Variants in ETV5 observed in about 807,000 individuals in gnomAD.
ETV5 encodes ETS translocation variant 5.
ETV5 carries 10 observed loss-of-function variants against 70.0 expected under a neutral mutation model. The observed-to-expected ratio is 0.14, with a 90% CI of 0.09 to 0.24. ETV5 has a LOEUF of 0.24. ETV5 is among the 10% of genes least tolerant of loss of function. The pLI is 1.00. For synonymous variants in ETV5, 216 were observed against 242.2 expected, an observed-to-expected ratio of 0.89 and a Z score of 1.01; for missense variants, 453 against 651.2, an observed-to-expected ratio of 0.70 and a Z score of 3.31.
At chr3:186,068,277 G>A (rs1485247964) in intron 7 of ETV5, among the ~76,000 whole-genome samples, 1 of 152,152 alleles carries the variant, frequency 6.6e-6, no homozygotes, top group African/African-American at 2.4e-5. Flanking sequence ...GTCTTGGAAA[G>A]GTATTTTTGA....
At chr3:186,099,000 C>T (rs918811495) in intron 5 of ETV5, among the ~76,000 whole-genome samples, 2 of 152,164 alleles carry the variant, frequency 1.3e-5, no homozygotes, top group African/African-American at 2.4e-5. Context: ...TAGATCTTAT[C>T]CTGCTCCCTG....
intron 5 of ETV5, among the ~76,000 whole-genome samples, chr3:186,093,715 TC>T (rs1229685177): frequency 3.3e-5 from 5 of 151,978 alleles, no homozygotes; most frequent in Non-Finnish European, 7.4e-5. Context: ...CGGGGGGAGC[TC>T]AAGACTTGCC....
rs752968678 is a variant in ETV5 at position 186,048,843 on chromosome 3, G to A, written c.1329C>T (p.Tyr443=). The A allele has an allele frequency of 9.9e-6, 16 of 1,613,832 alleles. No individual in the cohort carries two copies. The highest frequency in any genetic ancestry group is 4.4e-5 in the South Asian group (4 of 91,052). Residue 443 remains tyrosine (Y), a synonymous_variant, in exon 13 of 13, where the codon TAC becomes TAT. Coordinates refer to ENST00000306376, the MANE Select transcript of ETV5 (RefSeq NM_004454.3). ...GIMQKVAGER[Y]VYKFVCDPDA... ...CTGGGTCACAGACAAATTTGTAGAC[G>A]TATCGCTCTCCAGCCACCTGCGGGA... is the stretch of plus-strand genomic sequence containing the variant.
chr3:186,108,679 G>A (rs1364325003), intron 1 of ETV5: 28 of 1,160,170 alleles, frequency 2.4e-5, no homozygotes, highest in Non-Finnish European at 2.8e-5. Context: ...GCGCTCCGGG[G>A]CGCCTCCCCC....
chr3:186,080,150 A>ATT, intron 6 of ETV5, 46 bp from the exon 7 acceptor site: 1 of 1,425,588 alleles, frequency 7.0e-7, no homozygotes, highest in Non-Finnish European at 9.2e-7. Flanking sequence ...AAATGAAGCC[A>ATT]TTAGCATGGT....
At chr3:186,061,145 C>T (rs1330105370) in intron 9 of ETV5, among the ~76,000 whole-genome samples, 1 of 152,194 alleles carries the variant, frequency 6.6e-6, no homozygotes, top group Non-Finnish European at 1.5e-5. Context: ...AAAAGCCACC[C>T]AATGCTTCAT....
At chr3:186,058,659 T>C (rs1443736059) in intron 9 of ETV5, among the ~76,000 whole-genome samples, 1 of 152,056 alleles carries the variant, frequency 6.6e-6, no homozygotes, top group Non-Finnish European at 1.5e-5. Flanking sequence ...GGTTTAAGGG[T>C]TCTGAATGAG....
At chr3:186,062,812 A>G (rs982547877) in intron 9 of ETV5, among the ~76,000 whole-genome samples, 3 of 152,226 alleles carry the variant, frequency 2.0e-5, no homozygotes, top group African/African-American at 7.2e-5. Context: ...GTATAATCCT[A>G]TATTTACATA....
intron 5 of ETV5, among the ~76,000 whole-genome samples, chr3:186,089,329 G>A (rs1324835891): frequency 1.3e-5 from 2 of 152,218 alleles, no homozygotes; most frequent in Non-Finnish European, 2.9e-5. Context: ...TGTAGGTATG[G>A]AAGAATGTGC....
intron 6 of ETV5, 62 bp from the exon 7 acceptor site, chr3:186,080,166 G>T: frequency 7.3e-7 from 1 of 1,369,314 alleles, no homozygotes; most frequent in Non-Finnish European, 9.6e-7. Flanking sequence ...ATGGTTACCA[G>T]GTCCAGCAGA....
Position 186,048,473 on chromosome 3 carries a change from T to C in ETV5, c.*166A>G, listed in dbSNP as rs113758949. On this transcript the variant is annotated 3_prime_UTR_variant, in exon 13 of 13. Coordinates refer to ENST00000306376, the MANE Select transcript of ETV5 (RefSeq NM_004454.3). ...CTCCCTGTTCCCACTCCCCAGCCAA[T>C]GTATCTGTCTTTAAGGGTGCCAATC... is the stretch of plus-strand genomic sequence containing the variant. 52 of 633,194 alleles carry C rather than the reference T, an allele frequency of 8.2e-5. No individual in the cohort carries two copies. Among genetic ancestry groups the C allele is most frequent in the African/African-American group, 6.8e-4 (37 of 54,504 alleles). 39.2% of individuals were successfully genotyped at this position (633,194 alleles called of 1,614,324 possible).
Position 186,081,146 on chromosome 3 carries a change from T to A in ETV5, c.262A>T (p.Ile88Phe). 1 of 1,613,450 alleles carries A rather than the reference T, an allele frequency of 6.2e-7. No individual in the cohort carries two copies. The highest frequency in any genetic ancestry group is 8.5e-7 in the Non-Finnish European group (1 of 1,179,656). ...LVLHAPPPTK[I>F]KRELHSPSSE... ...GAGGGGCTGTGCAGCTCCCGTTTGA[T>A]CTTGGTTGGAGGTGGGGCATGAAGC... Residue 88 changes from isoleucine to phenylalanine, a missense_variant, in exon 6 of 13, where the codon ATC (isoleucine) becomes TTC (phenylalanine). Transcript: ENST00000306376.
intron 7 of ETV5, chr3:186,078,082 G>A (rs1014696883): frequency 1.9e-6 from 2 of 1,052,462 alleles, no homozygotes; most frequent in Non-Finnish European, 2.3e-6. Context: ...TCCTTCTCAG[G>A]GGGCTGGGTG....
intron 5 of ETV5, among the ~76,000 whole-genome samples, chr3:186,098,389 C>T (rs1714364716): frequency 6.6e-6 from 1 of 152,148 alleles, no homozygotes; most frequent in Non-Finnish European, 1.5e-5. Context: ...CTGGTAGCTA[C>T]ATCGGGAGCC....
At chr3:186,078,699 C>A (rs1036242163) in intron 7 of ETV5, among the ~76,000 whole-genome samples, 3 of 152,112 alleles carry the variant, frequency 2.0e-5, no homozygotes, top group Admixed American at 6.5e-5. Context: ...GCCAGCCCCC[C>A]ACAACCCCGT....
At chr3:186,086,160 C>T (rs376592440) in intron 5 of ETV5, among the ~76,000 whole-genome samples, 1 of 152,128 alleles carries the variant, frequency 6.6e-6, no homozygotes, top group Non-Finnish European at 1.5e-5. Context: ...AGTCTTAGCT[C>T]GTCAGGGGTA....
intron 12 of ETV5, among the ~76,000 whole-genome samples, chr3:186,050,732 G>C (rs1358158698): frequency 6.6e-6 from 1 of 152,164 alleles, no homozygotes; most frequent in Admixed American, 6.6e-5. Flanking sequence ...ACACTCCAGT[G>C]GGGGGTAGTA....
At chr3:186,086,018 C>T (rs527659976) in intron 5 of ETV5, among the ~76,000 whole-genome samples, 4 of 152,306 alleles carry the variant, frequency 2.6e-5, no homozygotes, top group Admixed American at 1.3e-4. Flanking sequence ...AGAAGCCCTG[C>T]CCTGCCCTGC....
intron 7 of ETV5, among the ~76,000 whole-genome samples, chr3:186,070,413 G>A (rs1409602645): frequency 6.6e-6 from 1 of 152,194 alleles, no homozygotes; most frequent in Non-Finnish European, 1.5e-5. Context: ...TCAGGAAAAG[G>A]TACTTCCACA....
Sources: gnomAD v4.1 joint callset for allele counts (sites outside exome capture counted in the v4.1 genomes callset) on GRCh38, gnomAD v4.1.1 for gene constraint, MANE v1.5 for transcripts, NCBI Gene and HGNC (gene_info 2026-07-23, HGNC 2026-07-21) for gene names.